NUTM2E: variants seen among roughly 807,000 people sequenced by gnomAD.
NUTM2E encodes the protein family with sequence similarity 22, member E.
A neutral mutation model predicts 26.1 loss-of-function variants in NUTM2E; 3 were observed. The ratio of observed to expected loss-of-function variants is 0.12; its 90% CI spans 0.05 to 0.30. The LOEUF is 0.30. NUTM2E is among the 10% of genes least tolerant of loss of function. The pLI is 1.00. For missense variants in NUTM2E, 62 were observed against 381.3 expected (o/e 0.16, Z 6.97); for synonymous variants, 13 against 157.5 (o/e 0.08, Z 6.87).
intron 2 of NUTM2E, among the ~76,000 whole-genome samples, 34 bp from the exon 3 acceptor site, chr10:79,838,746 A>G (rs2132418076): frequency 6.6e-6 from 1 of 152,080 alleles, no homozygotes; most frequent in Middle Eastern, 3.4e-3. Context: ...CCAGGAGGTG[A>G]TTACCTTCTG....
chr10:79,847,298 AG>A (rs1462623918), intron 6 of NUTM2E, among the ~76,000 whole-genome samples: 2 of 114,050 alleles, frequency 1.8e-5, no homozygotes, highest in African/African-American at 5.4e-5. Flanking sequence ...GGACAAGAGT[AG>A]GGTGCAGGCT....
At chr10:79,845,075 G>A (rs1238285988) in intron 5 of NUTM2E, among the ~76,000 whole-genome samples, 3 of 113,650 alleles carry the variant, frequency 2.6e-5, no homozygotes, top group East Asian at 2.1e-4. Flanking sequence ...TCAACTGCCC[G>A]TCACTGTCCC....
rs1385737386 is a variant in NUTM2E, at chr10:79,850,199, G to GC, written c.2230_2231insC (p.Glu744AlafsTer11). ...TCTCCCTGGAGGGTCTCCTGTCAGG[G>GC]AGTCACATGGGCTGGCTCAGGGGTC... On this transcript the variant is annotated frameshift_variant, in exon 10 of 10. Coordinates refer to ENST00000429984, the MANE Select transcript of NUTM2E (RefSeq NM_001355263.2). LOFTEE classifies it high-confidence loss of function. 1.3e-6 allele frequency: 1 copy of GC among 769,344 alleles called. No homozygotes were observed. Among genetic ancestry groups the GC allele is most frequent in the Non-Finnish European group, 2.1e-6 (1 of 482,820 alleles). 47.7% of individuals were successfully genotyped at this position (769,344 alleles called of 1,614,324 possible). A position where few individuals can be genotyped will look rare whatever the true frequency, so the allele number is the denominator to read the frequency against.
intron 1 of NUTM2E, among the ~76,000 whole-genome samples, chr10:79,831,366 ATTTCAC>A (rs1412825927): frequency 6.6e-6 from 1 of 151,302 alleles, no homozygotes; most frequent in Non-Finnish European, 1.5e-5. Flanking sequence ...TAATCGAAGA[ATTTCAC>A]TTTTTAACTC....
At chr10:79,830,161 T>C (rs1437575835) in intron 1 of NUTM2E, among the ~76,000 whole-genome samples, 1 of 151,564 alleles carries the variant, frequency 6.6e-6, no homozygotes, top group Non-Finnish European at 1.5e-5. Context: ...AATCATAAAT[T>C]TTCATAAACT....
chr10:79,830,247 A>G (rs1444657197), intron 1 of NUTM2E, among the ~76,000 whole-genome samples: 2 of 151,786 alleles, frequency 1.3e-5, no homozygotes, highest in African/African-American at 4.8e-5. Context: ...TAGCTCTTTC[A>G]TCCTAAGAAT....
At chr10:79,827,553 A>G (rs1045150) in intron 1 of NUTM2E, 196 bp downstream of exon 1, 2 of 145,926 alleles carry the variant, frequency 1.4e-5, no homozygotes, top group African/African-American at 5.1e-5. Flanking sequence ...ATTAAAATAC[A>G]GCCCCATGCT....
intron 1 of NUTM2E, 151 bp downstream of exon 1, chr10:79,827,508 A>G (rs1486832902): frequency 6.6e-6 from 1 of 150,670 alleles, no homozygotes; most frequent in East Asian, 2.0e-4. Flanking sequence ...CCTGAAGCAA[A>G]GGCGAGCCAT....
At chr10:79,832,141 A>C (rs1424947588) in intron 1 of NUTM2E, among the ~76,000 whole-genome samples, 1 of 152,042 alleles carries the variant, frequency 6.6e-6, no homozygotes, top group East Asian at 1.9e-4. Context: ...CTAGGGTTTC[A>C]CCATACGAAT....
At chr10:79,828,804 C>T (rs553869224) in intron 1 of NUTM2E, among the ~76,000 whole-genome samples, 1 of 151,880 alleles carries the variant, frequency 6.6e-6, no homozygotes, top group Non-Finnish European at 1.5e-5. Flanking sequence ...CAGTATGTTT[C>T]ATAGGCTTGC....
chr10:79,832,589 T>G (rs906333179), intron 1 of NUTM2E, among the ~76,000 whole-genome samples: 10 of 151,748 alleles, frequency 6.6e-5, no homozygotes, highest in Non-Finnish European at 7.4e-5. Context: ...CTACTGATTT[T>G]TATACATATA....
intron 1 of NUTM2E, among the ~76,000 whole-genome samples, chr10:79,836,240 T>C: frequency 6.6e-6 from 1 of 151,890 alleles, no homozygotes; most frequent in African/African-American, 2.4e-5. Flanking sequence ...ATATTAATAC[T>C]CTTTTGAAAG....
chr10:79,827,795 G>GTTTTTTTTTTTTTTTTTTTTT (rs57414762), intron 1 of NUTM2E, among the ~76,000 whole-genome samples: 1 of 127,738 alleles, frequency 7.8e-6, no homozygotes, highest in African/African-American at 3.0e-5. Context: ...TTTTTTTTTT[G>GTTTTTTTTTTTTTTTTTTTTT]TTTTTTTTTT....
chr10:79,827,786 T>C (rs556074328), intron 1 of NUTM2E, among the ~76,000 whole-genome samples: 1 of 11,264 alleles, frequency 8.9e-5, no homozygotes, highest in East Asian at 5.4e-3. Flanking sequence ...ATTTAGTGGT[T>C]TTTTTTTTGT....
At chr10:79,849,144 T>C (rs1842038453) in intron 8 of NUTM2E, among the ~76,000 whole-genome samples, 1 of 85,808 alleles carries the variant, frequency 1.2e-5, no homozygotes, top group Non-Finnish European at 2.9e-5. Flanking sequence ...TCCTGTGTCA[T>C]ATGTGGGTCT....
At chr10:79,845,915 G>A (rs1842020704) in intron 5 of NUTM2E, among the ~76,000 whole-genome samples, 1 of 25,446 alleles carries the variant, frequency 3.9e-5, no homozygotes, top group South Asian at 8.0e-4. Context: ...CCGCACCCTG[G>A]AACTGGTTGC....
At chr10:79,834,357 AAG>A (rs1371866943) in intron 1 of NUTM2E, among the ~76,000 whole-genome samples, 2 of 151,784 alleles carry the variant, frequency 1.3e-5, no homozygotes, top group South Asian at 2.1e-4. Context: ...CATAAAAAGA[AAG>A]AAATGTTTTC....
At chr10:79,828,717 T>C (rs1841907447) in intron 1 of NUTM2E, among the ~76,000 whole-genome samples, 1 of 151,892 alleles carries the variant, frequency 6.6e-6, no homozygotes, top group East Asian at 1.9e-4. Context: ...TAGCCACTTA[T>C]TAGCTGGGTA....
rs998962672 is a variant in NUTM2E at position 79,826,739 on chromosome 10, G to C, written c.-3346G>C. ...AAGAGAGATATCGGGGGAAAGCCGC[G>C]AGAAGGCCAGCGTCCCTCGCTGGGA... On this transcript the variant is annotated 5_prime_UTR_variant, in exon 1 of 10. Transcript: ENST00000429984. The C allele has an allele frequency of 1.3e-5, 2 of 158,094 alleles. No individual in the cohort carries two copies. The highest frequency in any genetic ancestry group is 4.8e-5 in the African/African-American group (2 of 41,490). The allele number at this position is 158,094 out of a possible 1,614,324, so 9.8% of individuals were successfully genotyped here.
Sources: allele counts gnomAD v4.1 joint callset (sites outside exome capture counted in the v4.1 genomes callset), GRCh38; gene constraint gnomAD v4.1.1; transcripts MANE v1.5; gene names NCBI Gene and HGNC (gene_info 2026-07-23, HGNC 2026-07-21).